GSTM4: variants seen among roughly 807,000 people sequenced by gnomAD.
The protein encoded by GSTM4 is glutathione S-transferase mu 4.
GSTM4 carries 27 observed loss-of-function variants against 30.1 expected under a neutral mutation model. The observed-to-expected ratio is 0.90, with a 90% CI of 0.66 to 1.24. GSTM4 has a LOEUF of 1.24. Ranked by LOEUF, GSTM4 falls within the 50% of genes most tolerant of loss-of-function variation. The pLI, the probability that GSTM4 is intolerant of heterozygous loss-of-function variation, is 0.00. For synonymous variants in GSTM4, 94 were observed against 96.2 expected (o/e 0.98, Z 0.13); for missense variants, 238 against 272.1 (o/e 0.87, Z 0.88).
In GSTM4 at chr1:109,657,670, G is replaced by T. The variant is rs1191605497; in HGVS notation, c.258G>T (p.Leu86=). Residue 86 remains leucine, a splice_region_variant and synonymous_variant, in exon 4 of 8, where the codon CTG becomes CTT. Coordinates refer to ENST00000369836, the MANE Select transcript of GSTM4 (RefSeq NM_000850.5). ...ILCYIARKHN[L]CGETEEEKIR... Reference sequence around the variant, plus strand: ...GCTACATTGCCCGCAAGCACAACCTGTGTGAGTGTGGTTGGCTGCAGTGTG... The same window carrying T: ...GCTACATTGCCCGCAAGCACAACCTTTGTGAGTGTGGTTGGCTGCAGTGTG... The T allele has an allele frequency of 1.2e-6, 2 of 1,614,260 alleles. No individual in the cohort carries two copies. The highest frequency in any genetic ancestry group is 1.7e-6 in the Non-Finnish European group (2 of 1,180,052).
intron 7 of GSTM4, chr1:109,659,398 C>G: frequency 1.4e-6 from 2 of 1,444,026 alleles, no homozygotes; most frequent in Non-Finnish European, 1.8e-6. Flanking sequence ...TGCTGGGCTC[C>G]CTGTGAGCAT....
downstream of GSTM4, among the ~76,000 whole-genome samples, chr1:109,666,930 G>A (rs1265989571): frequency 2.6e-5 from 4 of 152,068 alleles, no homozygotes; most frequent in East Asian, 5.8e-4. Context: ...ATTTCACCAC[G>A]TTGGCTGGGT....
chr1:109,656,664 G>A (rs547903956), intron 1 of GSTM4, 48 bp from the exon 2 acceptor site: 72 of 1,586,752 alleles, frequency 4.5e-5, no homozygotes, highest in Non-Finnish European at 5.7e-5. Flanking sequence ...AAGTCACCAA[G>A]TCAGGGACCC....
At chr1:109,658,310 T>C in intron 5 of GSTM4, 1 of 223,000 alleles carries the variant, frequency 4.5e-6, no homozygotes, top group South Asian at 8.0e-5. Context: ...CAGGGATGAA[T>C]GCATTTTCCT....
chr1:109,657,956 G>A (rs1276318633), intron 5 of GSTM4, 84 bp downstream of exon 5: 5 of 1,135,858 alleles, frequency 4.4e-6, no homozygotes, highest in South Asian at 2.5e-5. Context: ...ACTCCTCACT[G>A]CTATTGATCC....
intron 5 of GSTM4, chr1:109,658,168 C>G (rs1253466255): frequency 6.9e-6 from 3 of 434,200 alleles, no homozygotes; most frequent in Admixed American, 3.7e-5. Context: ...CCAGCTGGTT[C>G]ATGCCATCTG....
chr1:109,656,514 C>T lies in GSTM4; in HGVS notation c.36+89C>T, dbSNP rs914874515. 1.4e-5 allele frequency: 19 copies of T among 1,401,164 alleles called. No homozygotes were observed. In the African/African-American group the frequency reaches 2.2e-4, roughly 16 times the overall value. The allele number at this position is 1,401,164 out of a possible 1,614,324, so 86.8% of individuals were successfully genotyped here. A position where few individuals can be genotyped will look rare whatever the true frequency, so the allele number is the denominator to read the frequency against. On this transcript the variant is annotated intron_variant, in intron 1 of 7. Transcript: ENST00000369836. ...GACCGGCTCTAGGGACGGTTCCCTCCTTAGGGCTATCTCTCACAGGAGGGC... is the reference window on the plus strand; with the variant it reads ...GACCGGCTCTAGGGACGGTTCCCTCTTTAGGGCTATCTCTCACAGGAGGGC...
At position 109,659,053 on chromosome 1, in the gene GSTM4, T is replaced by G. The variant is rs1364741865; in HGVS notation, c.510T>G (p.Phe170Leu). Residue 170 changes from phenylalanine to leucine, a missense_variant, in exon 7 of 8, where the codon TTT becomes TTG. Transcript: ENST00000369836. ...AYDVLDLHRI[F>L]EPNCLDAFPN... ...ATGTCCTTGACCTCCACCGTATATT[T>G]GAGCCCAACTGCTTGGACGCCTTTC... 4 of 1,614,240 alleles carry G rather than the reference T, an allele frequency of 2.5e-6. No individual in the cohort carries two copies. In the East Asian group the frequency reaches 8.9e-5, roughly 36 times the overall value.
At chr1:109,666,744 G>T (rs544247433), downstream of GSTM4, among the ~76,000 whole-genome samples, 1 of 151,668 alleles carries the variant, frequency 6.6e-6, no homozygotes, top group South Asian at 2.1e-4. Context: ...TCTTTTTTTT[G>T]AGACGGAGTC....
chr1:109,667,389 C>T (rs914991208), downstream of GSTM4, among the ~76,000 whole-genome samples: 2 of 151,902 alleles, frequency 1.3e-5, no homozygotes, highest in Non-Finnish European at 2.9e-5. Context: ...CTGATTACCC[C>T]AGATTCTAAC....
At chr1:109,659,508 A>C (rs980077628) in intron 7 of GSTM4, 1 of 729,720 alleles carries the variant, frequency 1.4e-6, no homozygotes, top group Non-Finnish European at 2.1e-6. Flanking sequence ...GGCACTTTGG[A>C]AGAGGCAGAG....
downstream of GSTM4, among the ~76,000 whole-genome samples, chr1:109,667,095 A>T (rs914915104): frequency 1.5e-4 from 23 of 152,242 alleles, no homozygotes; most frequent in Admixed American, 1.4e-3. Context: ...GTGACAATTA[A>T]CAAAGTCTCC....
In GSTM4 at chr1:109,657,629, A is replaced by G; in HGVS notation, c.217A>G (p.Ser73Gly). The G allele has an allele frequency of 6.2e-7, 1 of 1,614,202 alleles. No homozygotes were observed. The highest frequency in any genetic ancestry group is 8.5e-7 in the Non-Finnish European group (1 of 1,180,036). The part of the protein sequence containing the change: ...LIDGAHKITQ[S>G]NAILCYIARK... ...TGATGGGGCTCACAAGATCACCCAG[A>G]GCAACGCCATCCTGTGCTACATTGC... is the stretch of plus-strand genomic sequence containing the variant. The change falls in exon 4 of 8, where the codon AGC becomes GGC. Residue 73 changes from serine (S) to glycine (G), a missense_variant. Coordinates refer to ENST00000369836, the MANE Select transcript of GSTM4 (RefSeq NM_000850.5).
Position 109,661,536 on chromosome 1 carries a change from T to TA in GSTM4, c.*283dup, listed in dbSNP as rs1288577921. 2.3e-6 allele frequency: 3 copies of TA among 1,315,746 alleles called. No individual in the cohort carries two copies. Among genetic ancestry groups the TA allele is most frequent in the Non-Finnish European group, 2.9e-6 (3 of 1,023,544 alleles). The allele number at this position is 1,315,746 out of a possible 1,614,324, so 81.5% of individuals were successfully genotyped here. On this transcript the variant is annotated 3_prime_UTR_variant, in exon 8 of 8. Transcript: ENST00000369836. Reference sequence around the variant, plus strand: ...AAGCCAGCCTGACCTTCCTTCCTGTTAGTGGTTGTATCTGCTTTGAAGGGC... The same window carrying TA: ...AAGCCAGCCTGACCTTCCTTCCTGTTAAGTGGTTGTATCTGCTTTGAAGGGC...
At position 109,659,048 on chromosome 1, in the gene GSTM4, A is replaced by G. The variant is rs1652174103; in HGVS notation, c.505A>G (p.Ile169Val). ...LAYDVLDLHR[I>V]FEPNCLDAFP... ...CTATGATGTCCTTGACCTCCACCGT[A>G]TATTTGAGCCCAACTGCTTGGACGC... Residue 169 changes from isoleucine to valine, a missense_variant, in exon 7 of 8, where the codon ATA becomes GTA. Coordinates refer to ENST00000369836, the MANE Select transcript of GSTM4 (RefSeq NM_000850.5). The G allele has an allele frequency of 1.2e-6, 2 of 1,614,138 alleles. No homozygotes were observed. Among genetic ancestry groups the G allele is most frequent in the Admixed American group, 1.7e-5 (1 of 60,018 alleles).
At chr1:109,661,738 A>G (rs1652333319), downstream of GSTM4, 10 of 1,037,094 alleles carry the variant, frequency 9.6e-6, 1 homozygote, top group Middle Eastern at 4.6e-4. Flanking sequence ...CTGGCTGCCC[A>G]GACTGTGTCT....
chr1:109,662,472 T>G (rs942258163), downstream of GSTM4, among the ~76,000 whole-genome samples: 7 of 152,356 alleles, frequency 4.6e-5, no homozygotes, highest in African/African-American at 1.7e-4. Flanking sequence ...CACAAATAGT[T>G]GTTGATTTTG....
chr1:109,660,837 G>C (rs914040314), intron 7 of GSTM4: 6 of 325,786 alleles, frequency 1.8e-5, no homozygotes, highest in African/African-American at 1.3e-4. Flanking sequence ...TCCCACATGA[G>C]AAATGGTGAT....
chr1:109,665,890 G>A (rs1447898452), downstream of GSTM4, among the ~76,000 whole-genome samples: 1 of 152,102 alleles, frequency 6.6e-6, no homozygotes, highest in African/African-American at 2.4e-5. Flanking sequence ...CAGTGGAAGG[G>A]GGCTGCCTCT....
Sources: allele counts gnomAD v4.1 joint callset (sites outside exome capture counted in the v4.1 genomes callset), GRCh38; gene constraint gnomAD v4.1.1; transcripts MANE v1.5; gene names NCBI Gene and HGNC (gene_info 2026-07-23, HGNC 2026-07-21).